TECPR2: variants seen among roughly 807,000 people sequenced by gnomAD.
TECPR2 encodes tectonin beta-propeller repeat containing 2.
TECPR2 carries 65 observed loss-of-function variants against 138.1 expected under a neutral mutation model. The ratio of observed to expected loss-of-function variants is 0.47; its 90% confidence interval spans 0.39 to 0.58. TECPR2 has a LOEUF of 0.58. Ranked by LOEUF, TECPR2 falls within the 20% of genes least tolerant of loss-of-function variation. The probability of loss-of-function intolerance (pLI) is 0.00; values close to 1 mark genes in which losing one functional copy is unlikely to be tolerated. For missense variants in TECPR2, 1,553 were observed against 1,824.5 expected (o/e 0.85, Z 2.71); for synonymous variants, 746 against 749.8 (o/e 0.99, Z 0.08).
At chr14:102,397,901 A>G (rs1888357816) in intron 2 of TECPR2, among the ~76,000 whole-genome samples, 1 of 151,760 alleles carries the variant, frequency 6.6e-6, no homozygotes, top group Admixed American at 6.6e-5. Context: ...AACCCGGGTC[A>G]TCGCTAGTAA....
At chr14:102,380,197 A>G (rs1248538519) in intron 2 of TECPR2, among the ~76,000 whole-genome samples, 1 of 151,954 alleles carries the variant, frequency 6.6e-6, no homozygotes, top group Non-Finnish European at 1.5e-5. Context: ...CACCCTAGTC[A>G]CACTGCTGAA....
rs781593347 is a variant in TECPR2 at position 102,407,411 on chromosome 14, C to T, written c.293C>T (p.Ser98Phe). The T allele has an allele frequency of 1.1e-5, 17 of 1,613,746 alleles. No individual in the cohort carries two copies. In the East Asian group the frequency reaches 3.8e-4, roughly 36 times the overall value. The change falls in exon 3 of 20, where the codon TCT (serine) becomes TTT (phenylalanine). Residue 98 changes from serine (S) to phenylalanine (F), a missense_variant. Ser to Phe is a radical substitution (Grantham distance 155). Coordinates refer to ENST00000359520, the MANE Select transcript of TECPR2 (RefSeq NM_014844.5). ...FDDLVAAGTA[S>F]GRVAVFQLVS... ...GACCTGGTGGCAGCAGGCACAGCCT[C>T]TGGCAGGGTTGCAGTTTTTCAACTT...
At chr14:102,483,976 C>T (rs10130538) in intron 17 of TECPR2, among the ~76,000 whole-genome samples, 41,679 of 72,624 alleles carry the variant, frequency 0.57, 13,782 homozygotes, top group African/African-American at 0.67. Context: ...CTTATATTTT[C>T]AGTAGAGACA....
chr14:102,433,146 A>G (rs1251291955), intron 8 of TECPR2, among the ~76,000 whole-genome samples: 1 of 151,966 alleles, frequency 6.6e-6, no homozygotes, highest in Non-Finnish European at 1.5e-5. Context: ...AGTGTTGAAT[A>G]TGCTACCAAA....
At chr14:102,448,412 G>T (rs1431776843) in intron 13 of TECPR2, among the ~76,000 whole-genome samples, 2 of 152,164 alleles carry the variant, frequency 1.3e-5, no homozygotes, top group South Asian at 2.1e-4. Flanking sequence ...TGCAGGGAGG[G>T]GTGGTTGGAG....
chr14:102,428,758 T>C (rs1207788011), intron 7 of TECPR2, among the ~76,000 whole-genome samples: 2 of 152,038 alleles, frequency 1.3e-5, no homozygotes, highest in East Asian at 3.9e-4. Context: ...TGAGACCTCA[T>C]CTCAAAAACA....
At chr14:102,428,130 A>G in intron 6 of TECPR2, 120 bp from the exon 7 acceptor site, 1 of 1,276,660 alleles carries the variant, frequency 7.8e-7, no homozygotes, top group Non-Finnish European at 1.0e-6. Flanking sequence ...AAGTTACCAT[A>G]GTAAAGTGCA....
At chr14:102,449,982 G>A in intron 14 of TECPR2, 113 bp downstream of exon 14, 2 of 1,478,544 alleles carry the variant, frequency 1.4e-6, no homozygotes, top group South Asian at 1.3e-5. Context: ...TAGTGCCAGT[G>A]GTATGAAGTG....
In TECPR2 at chr14:102,500,850, A is replaced by C. The variant is rs1174316329; in HGVS notation, c.*2593A>C. The stretch of plus-strand genomic sequence containing the variant: ...CCCACAAATGCCCATGACTGTGCCC[A>C]ATGTGCTTCTCACCAGAGCCCTGCA... On this transcript the variant is annotated 3_prime_UTR_variant, in exon 20 of 20. Transcript: ENST00000359520. 1.3e-5 allele frequency: 2 copies of C among 152,276 alleles called. No individual in the cohort carries two copies. The highest frequency in any genetic ancestry group is 2.4e-5 in the African/African-American group (1 of 41,472). 9.4% of individuals were successfully genotyped at this position (152,276 alleles called of 1,614,324 possible).
chr14:102,401,253 A>T (rs1308770651), intron 2 of TECPR2, among the ~76,000 whole-genome samples: 1 of 152,008 alleles, frequency 6.6e-6, no homozygotes, highest in Non-Finnish European at 1.5e-5. Flanking sequence ...AGCCTGGGTA[A>T]CATGGTGAAA....
chr14:102,435,186 A>T lies in TECPR2; in HGVS notation c.2369A>T (p.Asp790Val), dbSNP rs769407872. The change falls in exon 9 of 20, where the codon GAC (aspartate) becomes GTC (valine). Residue 790 changes from aspartate to valine, a missense_variant. Coordinates refer to ENST00000359520, the MANE Select transcript of TECPR2 (RefSeq NM_014844.5). ...GACCTGAGCCGGCTGGGTGCAGAGG[A>T]CGCCGGGCTGCTCAAGCCAGATCAG... ...QQDLSRLGAE[D>V]AGLLKPDQFA... 9.3e-6 allele frequency: 15 copies of T among 1,611,344 alleles called. No individual in the cohort carries two copies. The East Asian group carries it at 1.6e-4, about 17-fold the overall frequency.
At chr14:102,371,481 G>C (rs1444185767) in intron 1 of TECPR2, among the ~76,000 whole-genome samples, 1 of 152,138 alleles carries the variant, frequency 6.6e-6, no homozygotes, top group Non-Finnish European at 1.5e-5. Context: ...TCATCCAGAG[G>C]CCCCCAGATA....
rs1417501860 is a variant in TECPR2 at position 102,396,603 on chromosome 14, T to C, written c.220-10735T>C. Among the ~76,000 whole-genome samples, 4 of 152,332 alleles carry C rather than the reference T, an allele frequency of 2.6e-5. No individual in the cohort carries two copies. The East Asian group carries it at 5.8e-4, about 22-fold the overall frequency. Reference sequence around the variant, plus strand: ...TGTCTCCACACCTAGACATCAATTGTACTGGCAGGATCTGTCTGATCTAAC... The same window carrying C: ...TGTCTCCACACCTAGACATCAATTGCACTGGCAGGATCTGTCTGATCTAAC... On this transcript the variant is annotated intron_variant, in intron 2 of 19. Transcript: ENST00000359520.
chr14:102,458,966 C>T (rs867163721), intron 16 of TECPR2, among the ~76,000 whole-genome samples: 95 of 138,380 alleles, frequency 6.9e-4, no homozygotes, highest in African/African-American at 2.0e-3. Context: ...AAAATACACA[C>T]ATATATATAT....
Position 102,414,797 on chromosome 14 carries a change from AGT to A in TECPR2, c.638+5_638+6del, listed in dbSNP as rs755586191. ...TTGGAACACAACCAAGGAAAAGGTA[AGT>A]TTCACAAGTTTGCCAGTTTGGCCTA... On this transcript the variant is annotated splice_donor_5th_base_variant and intron_variant, in intron 5 of 19. Transcript: ENST00000359520. 6.2e-7 allele frequency: 1 copy of A among 1,613,902 alleles called. No homozygotes were observed. Among genetic ancestry groups the A allele is most frequent in the South Asian group, 1.1e-5 (1 of 91,050 alleles).
At position 102,497,767 on chromosome 14, in the gene TECPR2, G is replaced by T. The variant is rs545277691; in HGVS notation, c.4081+48G>T. The T allele has an allele frequency of 2.5e-5, 38 of 1,538,546 alleles. No individual in the cohort carries two copies. In the South Asian group the frequency reaches 4.6e-4, roughly 19 times the overall value. On this transcript the variant is annotated intron_variant, in intron 19 of 19. Coordinates refer to ENST00000359520, the MANE Select transcript of TECPR2 (RefSeq NM_014844.5). ...CTTAAGGCCCCTTGGGGTTCCCAGG[G>T]CTCCTGTGGACGATGTCGGGGGGCT... is the stretch of plus-strand genomic sequence containing the variant.
intron 10 of TECPR2, 122 bp from the exon 11 acceptor site, chr14:102,440,314 G>A (rs1201416552): frequency 1.5e-6 from 2 of 1,354,812 alleles, no homozygotes; most frequent in Non-Finnish European, 1.0e-6. Flanking sequence ...TTCCCCACTT[G>A]GGGGGACAGA....
intron 2 of TECPR2, among the ~76,000 whole-genome samples, chr14:102,388,310 A>G (rs998133837): frequency 5.3e-5 from 8 of 152,128 alleles, no homozygotes; most frequent in South Asian, 4.1e-4. Context: ...ACTCTTAGGG[A>G]AAAAAAATAC....
At position 102,425,173 on chromosome 14, in the gene TECPR2, A is replaced by G. The variant is rs1404191202; in HGVS notation, c.833A>G (p.Asn278Ser). Residue 278 changes from asparagine (N) to serine (S), a missense_variant, in exon 6 of 20, where the codon AAC (asparagine) becomes AGC (serine). By Grantham distance (46) the Asn-to-Ser change is conservative. Transcript: ENST00000359520. ...CTGCACCCGCGTCTGGAATCCCCCA[A>G]CAGTGGAAGTTGCAGCTTACCTGAG... is the stretch of plus-strand genomic sequence containing the variant. The part of the protein sequence containing the change: ...FELHPRLESP[N>S]SGSCSLPERH... 3.7e-6 allele frequency: 6 copies of G among 1,614,100 alleles called. No homozygotes were observed. The highest frequency in any genetic ancestry group is 2.7e-5 in the African/African-American group (2 of 74,936).
Sources: allele counts gnomAD v4.1 joint callset (sites outside exome capture counted in the v4.1 genomes callset), GRCh38; gene constraint gnomAD v4.1.1; transcripts MANE v1.5; gene names NCBI Gene and HGNC (gene_info 2026-07-23, HGNC 2026-07-21).